The following ST18 variants were observed in gnomAD, a reference collection of about 807,000 sequenced individuals.
ST18 encodes the protein suppression of tumorigenicity 18 protein.
In ST18, 50 loss-of-function variants were observed where a neutral mutation model predicts 110.0. That is an observed-to-expected ratio of 0.45 (90% CI 0.36 to 0.58). The LOEUF (loss-of-function observed/expected upper bound fraction) is 0.58, where lower values mean the gene tolerates loss of function less well. ST18 is among the 20% of genes least tolerant of loss of function. The probability of loss-of-function intolerance (pLI) is 0.00; values close to 1 mark genes in which losing one functional copy is unlikely to be tolerated. For synonymous variants in ST18, 461 were observed against 452.4 expected, an observed-to-expected ratio of 1.02 and a Z score of -0.24; for missense variants, 1,306 against 1,280.1, an observed-to-expected ratio of 1.02 and a Z score of -0.31.
intron 2 of ST18, among the ~76,000 whole-genome samples, chr8:52,258,776 A>G (rs1233154568): frequency 2.0e-5 from 3 of 152,212 alleles, no homozygotes; most frequent in Admixed American, 1.3e-4. Context: ...TTGAAGTGGC[A>G]AGAGCAGACA....
chr8:52,122,082 G>T (rs1379036548), intron 23 of ST18, among the ~76,000 whole-genome samples: 8 of 152,160 alleles, frequency 5.3e-5, no homozygotes, highest in Non-Finnish European at 1.0e-4. Flanking sequence ...TTGACCTGCT[G>T]ATCCGCCTTC....
At chr8:52,363,721 T>G (rs1188886752) in intron 2 of ST18, among the ~76,000 whole-genome samples, 3 of 152,214 alleles carry the variant, frequency 2.0e-5, no homozygotes, top group Non-Finnish European at 2.9e-5. Flanking sequence ...AACTCAATAA[T>G]GTAGAAGAAT....
chr8:52,380,540 A>G (rs896757573), intron 2 of ST18, among the ~76,000 whole-genome samples: 5 of 152,118 alleles, frequency 3.3e-5, no homozygotes, highest in Non-Finnish European at 5.9e-5. Context: ...ACAGAGAAAG[A>G]ACATCTGTCT....
At chr8:52,129,451 CAAAAAAAA>C (rs34059224) in intron 22 of ST18, among the ~76,000 whole-genome samples, 2 of 72,246 alleles carry the variant, frequency 2.8e-5, no homozygotes, top group African/African-American at 4.5e-5. Flanking sequence ...GAGACTCCAT[CAAAAAAAA>C]AAAAAAAAAA....
intron 2 of ST18, among the ~76,000 whole-genome samples, chr8:52,242,525 G>T (rs914453158): frequency 3.3e-5 from 5 of 152,270 alleles, no homozygotes; most frequent in Admixed American, 6.5e-5. Flanking sequence ...TTGTGAGAAT[G>T]AAAAGAATTA....
At chr8:52,157,330 A>T (rs2060285134) in intron 15 of ST18, among the ~76,000 whole-genome samples, 1 of 152,136 alleles carries the variant, frequency 6.6e-6, no homozygotes. Context: ...GATGGACAGC[A>T]TTCATTCTAG....
intron 2 of ST18, among the ~76,000 whole-genome samples, chr8:52,357,368 T>C (rs919191176): frequency 6.6e-6 from 1 of 151,936 alleles, no homozygotes; most frequent in Non-Finnish European, 1.5e-5. Flanking sequence ...AACTATCCAA[T>C]TAAAATGCAG....
At chr8:52,118,733 C>A (rs1463222778) in intron 23 of ST18, among the ~76,000 whole-genome samples, 1 of 152,102 alleles carries the variant, frequency 6.6e-6, no homozygotes, top group Non-Finnish European at 1.5e-5. Flanking sequence ...TCTTACCACA[C>A]CCTACAGTGG....
chr8:52,384,751 A>T (rs1835878850), intron 2 of ST18, among the ~76,000 whole-genome samples: 1 of 150,334 alleles, frequency 6.7e-6, no homozygotes, highest in Admixed American at 6.6e-5. Context: ...CTTTCACTTT[A>T]CTTTTATACA....
chr8:52,159,820 G>A (rs1278590843), intron 14 of ST18, among the ~76,000 whole-genome samples: 1 of 152,068 alleles, frequency 6.6e-6, no homozygotes, highest in Non-Finnish European at 1.5e-5. Context: ...TTCTGTTGTG[G>A]GTACCAAGGC....
Position 52,166,849 on chromosome 8 carries a change from C to T in ST18, c.1204+3G>A, listed in dbSNP as rs776443308. On this transcript the variant is annotated splice_donor_region_variant and intron_variant, in intron 11 of 25. Coordinates refer to ENST00000689386, the MANE Select transcript of ST18 (RefSeq NM_001352837.2). ...GAAGCTTTGAGGGACAAGTGGTACT[C>T]ACTTTCCAGGGGAACCCGCACTTTG... The T allele has an allele frequency of 6.4e-6, 10 of 1,573,416 alleles. No homozygotes were observed. The Admixed American group carries it at 8.6e-5, about 14-fold the overall frequency.
chr8:52,324,689 C>T (rs1459166657), intron 2 of ST18, among the ~76,000 whole-genome samples: 1 of 152,096 alleles, frequency 6.6e-6, no homozygotes, highest in Non-Finnish European at 1.5e-5. Context: ...TTATAAGGTA[C>T]ATATTATCAA....
chr8:52,222,023 AC>A (rs2086952699), intron 3 of ST18: 2 of 152,128 alleles, frequency 1.3e-5, no homozygotes, highest in South Asian at 4.1e-4. Context: ...TTTGCCATAC[AC>A]TAACCTAAAA....
At position 52,201,741 on chromosome 8, in the gene ST18, C is replaced by T. The variant is rs563384590; in HGVS notation, c.86+10338G>A. Among the ~76,000 whole-genome samples, 5 of 152,348 alleles carry T rather than the reference C, an allele frequency of 3.3e-5. No individual in the cohort carries two copies. In the South Asian group the frequency reaches 1.0e-3, roughly 32 times the overall value. On this transcript the variant is annotated intron_variant, in intron 8 of 25. Transcript: ENST00000689386. ...TCCTGGCAGTCACTTTGCTTCCTGA[C>T]CCTGCAGTCTGAGACCACGCCCGTC...
At chr8:52,299,638 T>G (rs1290659154) in intron 2 of ST18, among the ~76,000 whole-genome samples, 1 of 152,250 alleles carries the variant, frequency 6.6e-6, no homozygotes, top group African/African-American at 2.4e-5. Flanking sequence ...TTTTCAGGCC[T>G]ACATGAAGTG....
At chr8:52,389,948 CAACAAA>C (rs1271048631) in intron 2 of ST18, among the ~76,000 whole-genome samples, 1 of 152,106 alleles carries the variant, frequency 6.6e-6, no homozygotes, top group Non-Finnish European at 1.5e-5. Flanking sequence ...ACAACAACAA[CAACAAA>C]AAGTTTAATT....
intron 2 of ST18, among the ~76,000 whole-genome samples, chr8:52,237,714 C>T (rs2092872395): frequency 6.6e-6 from 1 of 152,168 alleles, no homozygotes; most frequent in Non-Finnish European, 1.5e-5. Flanking sequence ...GTGATAAATG[C>T]AATGGGACAA....
In ST18 at chr8:52,165,674, A is replaced by T. The variant is rs183875622; in HGVS notation, c.1205-449T>A. ...TGTCCATCCACCCGCTACTCCCCAC[A>T]CCCCACTGCCATTTGGTTACTGGGA... On this transcript the variant is annotated intron_variant, in intron 11 of 25. Transcript: ENST00000689386. Among the ~76,000 whole-genome samples, 123 of 152,064 alleles carry T rather than the reference A, an allele frequency of 8.1e-4. 1 individual carries two copies. Among genetic ancestry groups the T allele is most frequent in the African/African-American group, 2.6e-3 (109 of 41,478 alleles).
intron 2 of ST18, among the ~76,000 whole-genome samples, chr8:52,244,234 C>T (rs529636946): frequency 1.3e-5 from 2 of 152,126 alleles, no homozygotes; most frequent in Non-Finnish European, 2.9e-5. Context: ...GACCTTTAAA[C>T]CAAAAGGTCT....
Sources: allele counts gnomAD v4.1 joint callset (sites outside exome capture counted in the v4.1 genomes callset), GRCh38; gene constraint gnomAD v4.1.1; transcripts MANE v1.5; gene names NCBI Gene and HGNC (gene_info 2026-07-23, HGNC 2026-07-21).